The following PAPPA2 variants were observed in gnomAD, a reference collection of about 807,000 sequenced individuals.
The protein encoded by PAPPA2 is pappalysin-2.
A neutral mutation model predicts 176.4 loss-of-function variants in PAPPA2; 86 were observed. The ratio of observed to expected loss-of-function variants is 0.49; its 90% CI spans 0.41 to 0.58. The LOEUF is 0.58. Among genes scored for constraint, PAPPA2 ranks in the 20% least tolerant of loss-of-function variants. The pLI is 0.00. For missense variants in PAPPA2, 2,073 were observed against 2,256.9 expected, an observed-to-expected ratio of 0.92 and a Z score of 1.65; for synonymous variants, 809 against 852.2, an observed-to-expected ratio of 0.95 and a Z score of 0.88.
At chr1:176,688,702 G>C (rs1173452348) in intron 4 of PAPPA2, among the ~76,000 whole-genome samples, 3 of 152,160 alleles carry the variant, frequency 2.0e-5, no homozygotes, top group Admixed American at 1.3e-4. Context: ...GGTAATGTCA[G>C]TATGTTCGAG....
chr1:176,570,224 G>A (rs995860120), intron 2 of PAPPA2, among the ~76,000 whole-genome samples: 8 of 152,180 alleles, frequency 5.3e-5, no homozygotes, highest in African/African-American at 1.2e-4. Context: ...CTCTGCTTCC[G>A]TTCCAAGTCT....
chr1:176,781,231 T>C (rs558273386), intron 17 of PAPPA2, among the ~76,000 whole-genome samples: 1 of 152,128 alleles, frequency 6.6e-6, no homozygotes, highest in East Asian at 1.9e-4. Flanking sequence ...ACATAAGATT[T>C]AGAAGAAAGT....
intron 14 of PAPPA2, among the ~76,000 whole-genome samples, chr1:176,762,264 T>A (rs1332437933): frequency 1.3e-5 from 2 of 152,172 alleles, no homozygotes; most frequent in East Asian, 3.9e-4. Flanking sequence ...TTTTTTTTTT[T>A]TTCGTGTTGG....
At chr1:176,734,579 C>T (rs1305635075) in intron 12 of PAPPA2, among the ~76,000 whole-genome samples, 1 of 152,084 alleles carries the variant, frequency 6.6e-6, no homozygotes, top group Non-Finnish European at 1.5e-5. Context: ...CCCACATCCT[C>T]AATCATGGAG....
At chr1:176,638,645 G>T (rs1656872353) in intron 3 of PAPPA2, among the ~76,000 whole-genome samples, 1 of 152,038 alleles carries the variant, frequency 6.6e-6, no homozygotes, top group Admixed American at 6.6e-5. Flanking sequence ...ACAGGCCGGA[G>T]TGCTGGGGAG....
intron 2 of PAPPA2, among the ~76,000 whole-genome samples, chr1:176,573,431 C>G (rs1030378087): frequency 7.9e-5 from 12 of 152,028 alleles, no homozygotes; most frequent in African/African-American, 2.9e-4. Flanking sequence ...CATTGATGTG[C>G]CATTTATGGA....
intron 2 of PAPPA2, among the ~76,000 whole-genome samples, chr1:176,586,047 G>T (rs1277742269): frequency 1.3e-5 from 2 of 151,702 alleles, no homozygotes; most frequent in African/African-American, 2.4e-5. Flanking sequence ...GAATTGTTTT[G>T]TTCCTTTGGA....
intron 16 of PAPPA2, among the ~76,000 whole-genome samples, chr1:176,770,467 G>A (rs139177083): frequency 3.9e-4 from 60 of 152,194 alleles, no homozygotes; most frequent in African/African-American, 1.4e-3. Flanking sequence ...TTACTAGTTC[G>A]GGCAAGTTAC....
intron 21 of PAPPA2, among the ~76,000 whole-genome samples, chr1:176,821,927 C>T (rs75526917): frequency 1.6e-3 from 238 of 152,328 alleles, no homozygotes; most frequent in African/African-American, 5.3e-3. Flanking sequence ...CCAAGACACT[C>T]CAACAGTCTT....
chr1:176,698,970 T>C, intron 7 of PAPPA2, 130 bp from the exon 8 acceptor site: 2 of 1,233,352 alleles, frequency 1.6e-6, no homozygotes, highest in Admixed American at 2.3e-5. Flanking sequence ...TCTAACCTGC[T>C]AAGATGACCA....
chr1:176,714,848 C>A (rs1255691400), intron 12 of PAPPA2, among the ~76,000 whole-genome samples: 1 of 152,176 alleles, frequency 6.6e-6, no homozygotes, highest in Non-Finnish European at 1.5e-5. Flanking sequence ...TTTGCTCTCT[C>A]AATTAACCTA....
At chr1:176,803,104 G>A (rs778476986) in intron 21 of PAPPA2, among the ~76,000 whole-genome samples, 4 of 151,916 alleles carry the variant, frequency 2.6e-5, no homozygotes, top group African/African-American at 7.3e-5. Context: ...TGTTTCTTTC[G>A]TAAACTGCAT....
At chr1:176,670,186 A>G (rs1381090619) in intron 3 of PAPPA2, among the ~76,000 whole-genome samples, 2 of 152,226 alleles carry the variant, frequency 1.3e-5, no homozygotes, top group South Asian at 4.1e-4. Flanking sequence ...ATCTTTGACT[A>G]TATATGAGTT....
At chr1:176,830,765 G>T (rs560712790) in intron 21 of PAPPA2, among the ~76,000 whole-genome samples, 1 of 152,168 alleles carries the variant, frequency 6.6e-6, no homozygotes, top group Non-Finnish European at 1.5e-5. Context: ...GAGGTCTGAT[G>T]GTATGTCATT....
intron 12 of PAPPA2, among the ~76,000 whole-genome samples, chr1:176,734,948 A>C (rs567909545): frequency 2.6e-5 from 4 of 152,230 alleles, no homozygotes; most frequent in African/African-American, 9.6e-5. Flanking sequence ...AAAAGCACAA[A>C]CATCAATAAG....
chr1:176,824,430 T>C (rs1320425640), intron 21 of PAPPA2, among the ~76,000 whole-genome samples: 3 of 152,256 alleles, frequency 2.0e-5, no homozygotes, highest in African/African-American at 7.2e-5. Flanking sequence ...GCTCATTTTA[T>C]TCTCTTCTTT....
intron 7 of PAPPA2, among the ~76,000 whole-genome samples, chr1:176,697,170 G>A (rs1660425833): frequency 6.6e-6 from 1 of 152,098 alleles, no homozygotes; most frequent in South Asian, 2.1e-4. Flanking sequence ...GGAATTAGAA[G>A]TTCTACGTTC....
chr1:176,819,474 C>G (rs1253850671), intron 21 of PAPPA2, among the ~76,000 whole-genome samples: 1 of 152,148 alleles, frequency 6.6e-6, no homozygotes, highest in African/African-American at 2.4e-5. Context: ...TGCCTTTATT[C>G]TCTTTGGTTG....
chr1:176,710,007 A>G lies in PAPPA2; in HGVS notation c.3482A>G (p.Tyr1161Cys). Residue 1161 changes from tyrosine to cysteine, a missense_variant, in exon 11 of 23, where the codon TAT becomes TGT. Physicochemically the swap from Tyr to Cys is radical, Grantham distance 194. This residue lies in a region of PAPPA2 where 846 missense variants were observed against 857.9 expected (regional missense o/e 0.99). Coordinates refer to ENST00000367662, the MANE Select transcript of PAPPA2 (RefSeq NM_020318.3). ...GGAGAGCCAAGCCTTTGCTACATGT[A>G]TGAGGGAGATGGCATATGTGAACCT... Reference protein sequence around the residue: ...CVGEPSLCYMYEGDGICEPFE... With the variant: ...CVGEPSLCYMCEGDGICEPFE... The G allele has an allele frequency of 6.2e-7, 1 of 1,612,536 alleles. No individual in the cohort carries two copies.
Sources: gnomAD v4.1 joint callset for allele counts (sites outside exome capture counted in the v4.1 genomes callset) on GRCh38, gnomAD v4.1.1 for gene constraint, gnomAD v4.1.1 regional missense constraint, MANE v1.5 for transcripts, NCBI Gene and HGNC (gene_info 2026-07-23, HGNC 2026-07-21) for gene names.